The following ARPP21 variants were observed in gnomAD, a reference collection of about 807,000 sequenced individuals.
ARPP21 encodes the protein cAMP-regulated phosphoprotein 21.
In ARPP21, 69 loss-of-function variants were observed where a neutral mutation model predicts 113.2. The ratio of observed to expected loss-of-function variants is 0.61; its 90% CI spans 0.50 to 0.74. ARPP21 has a LOEUF of 0.74. Ranked by LOEUF, ARPP21 falls within the 30% of genes least tolerant of loss-of-function variation. ARPP21 has a pLI of 0.00. For missense variants in ARPP21, 1,070 were observed against 1,037.4 expected, an observed-to-expected ratio of 1.03 and a Z score of -0.43; for synonymous variants, 368 against 375.5, an observed-to-expected ratio of 0.98 and a Z score of 0.23.
chr3:35,786,195 G>A (rs1370950436), intron 19 of ARPP21, among the ~76,000 whole-genome samples: 4 of 152,046 alleles, frequency 2.6e-5, no homozygotes, highest in Non-Finnish European at 5.9e-5. Context: ...TAAAAATAAT[G>A]TCTCCAGTCT....
intron 19 of ARPP21, among the ~76,000 whole-genome samples, chr3:35,764,028 A>G (rs2095869090): frequency 6.6e-6 from 1 of 152,180 alleles, no homozygotes; most frequent in Non-Finnish European, 1.5e-5. Flanking sequence ...ATACAAAAGA[A>G]ATATGATTTT....
At chr3:35,713,422 C>A (rs1012636715) in intron 11 of ARPP21, among the ~76,000 whole-genome samples, 3 of 151,398 alleles carry the variant, frequency 2.0e-5, no homozygotes, top group African/African-American at 7.3e-5. Flanking sequence ...TTTTTTGAGA[C>A]AAAGTCCCTG....
At chr3:35,647,054 T>C (rs1012130851) in intron 1 of ARPP21, among the ~76,000 whole-genome samples, 6 of 152,218 alleles carry the variant, frequency 3.9e-5, no homozygotes, top group African/African-American at 1.4e-4. Flanking sequence ...ATAATCATGT[T>C]GCATACACAT....
rs535470852 is a variant in ARPP21, at chr3:35,786,669, A to G, written c.2138-5713A>G. 1.5e-3 allele frequency among the ~76,000 whole-genome samples: 231 copies of G among 152,218 alleles called. 2 individuals carry two copies. The highest frequency in any genetic ancestry group is 2.7e-3 in the Non-Finnish European group (187 of 68,010). ...AAGTGGTTTGTCAAACCACGTTTAC[A>G]TTGTCATTCCTTGGATTTATCTCCT... On this transcript the variant is annotated intron_variant, in intron 19 of 20. Transcript: ENST00000684406.
chr3:35,771,713 C>T (rs2096210510), intron 19 of ARPP21, among the ~76,000 whole-genome samples: 1 of 152,138 alleles, frequency 6.6e-6, no homozygotes, highest in Non-Finnish European at 1.5e-5. Context: ...GCAGGCATCA[C>T]ACTGCATAGA....
intron 14 of ARPP21, among the ~76,000 whole-genome samples, chr3:35,727,561 T>C (rs1219375220): frequency 6.6e-6 from 1 of 152,224 alleles, no homozygotes; most frequent in East Asian, 1.9e-4. Flanking sequence ...TTTAAGGGCA[T>C]ATTGTAGAAT....
chr3:35,738,165 T>C, intron 16 of ARPP21, 49 bp from the exon 17 acceptor site: 1 of 1,234,326 alleles, frequency 8.1e-7, no homozygotes, highest in Non-Finnish European at 1.1e-6. Context: ...TTGTGAGATT[T>C]CAACCCCAGT....
At chr3:35,757,673 A>G (rs554969769) in intron 19 of ARPP21, among the ~76,000 whole-genome samples, 6 of 152,252 alleles carry the variant, frequency 3.9e-5, no homozygotes, top group African/African-American at 1.4e-4. Context: ...GCTTTTTGAA[A>G]AGACCTCAAA....
intron 19 of ARPP21, among the ~76,000 whole-genome samples, chr3:35,777,495 CTATT>C (rs1450329554): frequency 2.6e-5 from 4 of 152,168 alleles, no homozygotes; most frequent in Non-Finnish European, 5.9e-5. Flanking sequence ...AACCAGAAAA[CTATT>C]TAGTCTCATT....
chr3:35,782,890 T>C (rs1274909315), intron 19 of ARPP21, among the ~76,000 whole-genome samples: 3 of 152,150 alleles, frequency 2.0e-5, no homozygotes, highest in Non-Finnish European at 4.4e-5. Context: ...TTCTCAAGCT[T>C]CTCAAAGGAA....
chr3:35,715,741 G>T (rs1290624761), intron 12 of ARPP21: 2 of 267,584 alleles, frequency 7.5e-6, no homozygotes, highest in East Asian at 1.4e-4. Context: ...CCTTGCAAAG[G>T]TATACTTCCT....
At chr3:35,787,038 T>G (rs2096648335) in intron 19 of ARPP21, among the ~76,000 whole-genome samples, 1 of 152,120 alleles carries the variant, frequency 6.6e-6, no homozygotes, top group South Asian at 2.1e-4. Flanking sequence ...GCCCCAGTAA[T>G]GAAGTGAGAC....
intron 19 of ARPP21, among the ~76,000 whole-genome samples, chr3:35,788,868 C>G (rs1292903983): frequency 6.6e-6 from 1 of 152,168 alleles, no homozygotes; most frequent in Non-Finnish European, 1.5e-5. Flanking sequence ...CAGATTGATA[C>G]AATGCAGACA....
intron 11 of ARPP21, 123 bp from the exon 12 acceptor site, chr3:35,715,316 G>A (rs886404582): frequency 1.3e-6 from 1 of 745,624 alleles, no homozygotes; most frequent in Non-Finnish European, 2.3e-6. Flanking sequence ...TCTATCTTTT[G>A]TACCTATTTT....
upstream of ARPP21, among the ~76,000 whole-genome samples, chr3:35,639,375 C>T (rs1033638650): frequency 3.3e-5 from 5 of 152,160 alleles, no homozygotes; most frequent in Admixed American, 6.5e-5. This position sits in a 1 kb window ranked among gnomAD's most constrained non-coding sequence, Gnocchi z 5.0. Context: ...CCGGGGTCTC[C>T]GGCCAGAGCA....
Position 35,739,359 on chromosome 3 carries a change from C to T in ARPP21, c.1792C>T (p.Arg598Trp), listed in dbSNP as rs374544027. ...ACAGTTTGGCCAGATGACCCTGAGC[C>T]GGCAGTCCTCGGGGGAGACTCCTGA... ...ATQFGQMTLS[R>W]QSSGETPEPP... Residue 598 changes from arginine to tryptophan, a missense_variant, in exon 18 of 21, where the codon CGG becomes TGG. Transcript: ENST00000684406. 9.3e-6 allele frequency: 15 copies of T among 1,613,960 alleles called. No individual in the cohort carries two copies. Among genetic ancestry groups the T allele is most frequent in the Non-Finnish European group, 1.2e-5 (14 of 1,180,014 alleles).
intron 14 of ARPP21, among the ~76,000 whole-genome samples, chr3:35,728,617 T>A (rs2093720220): frequency 6.6e-6 from 1 of 151,958 alleles, no homozygotes; most frequent in Non-Finnish European, 1.5e-5. Context: ...TCTGGTCAGA[T>A]GGTTAGAAAA....
intron 19 of ARPP21, chr3:35,744,362 G>A (rs552105564): frequency 5.0e-6 from 2 of 401,598 alleles, no homozygotes; most frequent in South Asian, 1.8e-5. Flanking sequence ...CGTGCTAAAA[G>A]ATACTGCCTT....
At chr3:35,670,206 T>A (rs1351096968) in intron 1 of ARPP21, among the ~76,000 whole-genome samples, 21 of 152,138 alleles carry the variant, frequency 1.4e-4, no homozygotes, top group Admixed American at 1.4e-3. Flanking sequence ...AACACCCATT[T>A]TCTTTGACTC....
Sources: allele counts gnomAD v4.1 joint callset (sites outside exome capture counted in the v4.1 genomes callset), GRCh38; gene constraint gnomAD v4.1.1; non-coding constraint Gnocchi (gnomAD v3.1); transcripts MANE v1.5; gene names NCBI Gene and HGNC (gene_info 2026-07-23, HGNC 2026-07-21).